Variants in MYL1 observed in about 807,000 individuals in gnomAD.
MYL1 encodes the protein myosin light chain 1/3, skeletal muscle isoform.
MYL1 carries 16 observed loss-of-function variants against 21.8 expected under a neutral mutation model. The observed-to-expected ratio is 0.74, with a 90% CI of 0.50 to 1.12. The LOEUF (loss-of-function observed/expected upper bound fraction) is 1.12. Among genes scored for constraint, MYL1 ranks in the 50% most tolerant of loss-of-function variants. MYL1 has a pLI of 0.00. For synonymous variants in MYL1, 99 were observed against 85.2 expected, an observed-to-expected ratio of 1.16 and a Z score of -0.89; for missense variants, 246 against 241.0, an observed-to-expected ratio of 1.02 and a Z score of -0.14.
At position 210,314,913 on chromosome 2, in the gene MYL1, T is replaced by C. The variant is rs770817233; in HGVS notation, c.130A>G (p.Lys44Glu). 4 of 1,613,870 alleles carry C rather than the reference T, an allele frequency of 2.5e-6. No individual in the cohort carries two copies. The East Asian group carries it at 6.7e-5, about 27-fold the overall frequency. The change falls in exon 1 of 7, where the codon AAG (lysine) becomes GAG (glutamate). Residue 44 changes from lysine to glutamate, a missense_variant and splice_region_variant. By Grantham distance (56) the Lys-to-Glu change is moderately conservative. Coordinates refer to ENST00000352451, the MANE Select transcript of MYL1 (RefSeq NM_079420.3). ...KEEKIDLSAI[K>E]IEFSKEQQDE... ...AAACAGTTCATCCATTTAGTTACCT[T>C]AATGGCAGAGAGGTCAATTTTTTCT...
chr2:210,314,979 G>T lies in MYL1; in HGVS notation c.64C>A (p.Pro22Thr). 6.2e-7 allele frequency: 1 copy of T among 1,612,396 alleles called. No individual in the cohort carries two copies. Among genetic ancestry groups the T allele is most frequent in the Non-Finnish European group, 8.5e-7 (1 of 1,179,312 alleles). Reference sequence around the variant, plus strand: ...GGGGCAGGGGCAGGTGCAGGTGCCGGTGCCGGGGCTGGGGCAGCCGCAGCC... The same window carrying T: ...GGGGCAGGGGCAGGTGCAGGTGCCGTTGCCGGGGCTGGGGCAGCCGCAGCC... ...AAAAAAPAPA[P>T]APAPAPAPAK... Residue 22 changes from proline to threonine, a missense_variant, in exon 1 of 7, where the codon CCG becomes ACG. Transcript: ENST00000352451.
chr2:210,298,348 AC>A, intron 3 of MYL1, 71 bp downstream of exon 3: 1 of 1,520,626 alleles, frequency 6.6e-7, no homozygotes, highest in Non-Finnish European at 9.1e-7. Context: ...CTACACACAC[AC>A]ACACACACAC....
Position 210,315,133 on chromosome 2 carries a change from T to C in MYL1, c.-91A>G, listed in dbSNP as rs1273800773. ...TCTTGGAAGAGGAGTGGTGGTTGGG[T>C]TGATCCACAGCCCAGTGTCTTGAAG... is the stretch of plus-strand genomic sequence containing the variant. On this transcript the variant is annotated 5_prime_UTR_variant, in exon 1 of 7. Coordinates refer to ENST00000352451, the MANE Select transcript of MYL1 (RefSeq NM_079420.3). 1.3e-6 allele frequency: 2 copies of C among 1,485,528 alleles called. No homozygotes were observed. Among genetic ancestry groups the C allele is most frequent in the Admixed American group, 2.1e-5 (1 of 47,664 alleles). 92.0% of individuals were successfully genotyped at this position (1,485,528 alleles called of 1,614,324 possible).
Position 210,308,398 on chromosome 2 carries a change from T to C in MYL1, c.133-5883A>G, listed in dbSNP as rs974880384. Among the ~76,000 whole-genome samples, 28 of 33,836 alleles carry C rather than the reference T, an allele frequency of 8.3e-4. 1 individual carries two copies. Among genetic ancestry groups the C allele is most frequent in the African/African-American group, 2.8e-3 (24 of 8,702 alleles). The allele number at this position is 33,836 out of a possible 152,430, so 22.2% of individuals were successfully genotyped here. A position where few individuals can be genotyped will look rare whatever the true frequency, so the allele number is the denominator to read the frequency against. ...ACTTCAACATAGGATATACTTAGGC[T>C]AATATATATATATATATATATATAT... On this transcript the variant is annotated intron_variant, in intron 1 of 6. Transcript: ENST00000352451.
At chr2:210,305,047 T>C (rs1423415435) in intron 1 of MYL1, among the ~76,000 whole-genome samples, 2 of 152,224 alleles carry the variant, frequency 1.3e-5, no homozygotes, top group East Asian at 1.9e-4. Context: ...GCATAATGTA[T>C]ATTGGAGATT....
At chr2:210,307,304 C>T (rs1559663236) in intron 1 of MYL1, among the ~76,000 whole-genome samples, 2 of 152,152 alleles carry the variant, frequency 1.3e-5, no homozygotes, top group Non-Finnish European at 2.9e-5. Flanking sequence ...GTTTATCCCT[C>T]TGTAACTCTC....
chr2:210,295,599 T>C (rs1358357086), intron 3 of MYL1, among the ~76,000 whole-genome samples: 2 of 151,498 alleles, frequency 1.3e-5, no homozygotes, highest in Non-Finnish European at 2.9e-5. Flanking sequence ...TGAGCCAAGA[T>C]CATGCCACTG....
rs1690297491 is a variant in MYL1 at position 210,303,617 on chromosome 2, G to T, written c.133-1102C>A. The T allele has an allele frequency of 9.4e-6, 15 of 1,590,436 alleles. 1 individual carries two copies. Among genetic ancestry groups the T allele is most frequent in the Admixed American group, 3.6e-5 (2 of 54,996 alleles). On this transcript the variant is annotated intron_variant, in intron 1 of 6. Coordinates refer to ENST00000352451, the MANE Select transcript of MYL1 (RefSeq NM_079420.3). ...TGAGGGCTGCTCCGGTCCCTGAGTG[G>T]GGTCATCCCTGGCTGAGGCTTCCTT...
intron 1 of MYL1, among the ~76,000 whole-genome samples, chr2:210,310,790 C>T (rs1268780620): frequency 6.6e-6 from 1 of 152,012 alleles, no homozygotes; most frequent in African/African-American, 2.4e-5. Context: ...CAGGACTGTG[C>T]AGGGCAATAT....
At chr2:210,303,538 C>G in intron 1 of MYL1, 1 of 1,610,754 alleles carries the variant, frequency 6.2e-7, no homozygotes, top group Non-Finnish European at 8.5e-7. Context: ...CTCATAGGAC[C>G]CACCATGATG....
chr2:210,302,765 T>A, intron 1 of MYL1: 1 of 1,566,726 alleles, frequency 6.4e-7, no homozygotes, highest in Non-Finnish European at 8.7e-7. Flanking sequence ...TCAATTCACT[T>A]ACCAGCAATC....
chr2:210,290,748 A>G (rs1392373085), intron 6 of MYL1, among the ~76,000 whole-genome samples: 1 of 152,170 alleles, frequency 6.6e-6, no homozygotes, highest in Non-Finnish European at 1.5e-5. Context: ...AAATTAATTA[A>G]CTAGTCTCTG....
intron 3 of MYL1, among the ~76,000 whole-genome samples, chr2:210,296,717 C>T (rs1051235266): frequency 3.9e-5 from 6 of 152,104 alleles, no homozygotes; most frequent in East Asian, 3.9e-4. Flanking sequence ...AGAATTTATT[C>T]AGAACCCTGG....
chr2:210,294,136 A>G, intron 4 of MYL1, 109 bp downstream of exon 4: 2 of 1,192,494 alleles, frequency 1.7e-6, no homozygotes, highest in Non-Finnish European at 2.3e-6. Context: ...TTTTTTTCCC[A>G]TTTTCCCTTT....
chr2:210,302,770 G>C, intron 1 of MYL1: 1 of 1,566,606 alleles, frequency 6.4e-7, no homozygotes, highest in Non-Finnish European at 8.7e-7. Flanking sequence ...TCACTTACCA[G>C]CAATCTGGTC....
intron 1 of MYL1, chr2:210,303,084 T>C: frequency 2.3e-6 from 1 of 436,370 alleles, no homozygotes; most frequent in East Asian, 4.0e-5. Flanking sequence ...TACACGGTGT[T>C]AAAGTACAGA....
chr2:210,291,684 A>G (rs746576920), intron 5 of MYL1, among the ~76,000 whole-genome samples: 1 of 152,130 alleles, frequency 6.6e-6, no homozygotes, highest in African/African-American at 2.4e-5. Context: ...GAGTGTCCCT[A>G]TTTTTTAGGG....
chr2:210,292,965 T>G (rs530595820), intron 5 of MYL1, among the ~76,000 whole-genome samples: 1 of 152,316 alleles, frequency 6.6e-6, no homozygotes, highest in South Asian at 2.1e-4. Flanking sequence ...TATGCTTGGC[T>G]AAGCCCTTTC....
chr2:210,294,939 G>A (rs1202605448), intron 3 of MYL1, among the ~76,000 whole-genome samples: 2 of 152,066 alleles, frequency 1.3e-5, no homozygotes, highest in African/African-American at 4.8e-5. Flanking sequence ...CTTTTTGAGG[G>A]CCTTCCCGTT....
Sources: gnomAD v4.1 joint callset for allele counts (sites outside exome capture counted in the v4.1 genomes callset) on GRCh38, gnomAD v4.1.1 for gene constraint, MANE v1.5 for transcripts, NCBI Gene and HGNC (gene_info 2026-07-23, HGNC 2026-07-21) for gene names.